Variants in BAZ1B observed in about 807,000 individuals in gnomAD.
The protein encoded by BAZ1B is bromodomain adjacent to zinc finger domain 1B.
In BAZ1B, 22 loss-of-function variants were observed where a neutral mutation model predicts 153.8. That is an observed-to-expected ratio of 0.14 (90% CI 0.10 to 0.20). The LOEUF (loss-of-function observed/expected upper bound fraction) is 0.20. BAZ1B is among the 10% of genes least tolerant of loss of function. The probability of loss-of-function intolerance (pLI) is 1.00; values close to 1 mark genes in which losing one functional copy is unlikely to be tolerated. For missense variants in BAZ1B, 1,325 were observed against 1,799.3 expected (o/e 0.74, Z 4.77); for synonymous variants, 676 against 633.4 (o/e 1.07, Z -1.01).
chr7:73,448,708 A>G (rs2116231989), intron 15 of BAZ1B, among the ~76,000 whole-genome samples: 1 of 152,366 alleles, frequency 6.6e-6, no homozygotes, highest in African/African-American at 2.4e-5. Flanking sequence ...GAAAGGCACA[A>G]GAGGCAAGGA....
intron 3 of BAZ1B, among the ~76,000 whole-genome samples, chr7:73,500,689 G>A (rs928491250): frequency 6.6e-6 from 1 of 151,708 alleles, no homozygotes; most frequent in Non-Finnish European, 1.5e-5. Flanking sequence ...TCAGGAGTTT[G>A]AGACCAGCCT....
chr7:73,500,392 T>C (rs1327397955), intron 3 of BAZ1B, among the ~76,000 whole-genome samples: 1 of 150,658 alleles, frequency 6.6e-6, no homozygotes, highest in Non-Finnish European at 1.5e-5. Flanking sequence ...ACAAAAAAAT[T>C]TGCCAGGCGA....
At chr7:73,447,520 G>T in intron 15 of BAZ1B, 141 bp from the exon 16 acceptor site, 1 of 1,070,622 alleles carries the variant, frequency 9.3e-7, no homozygotes, top group Non-Finnish European at 1.3e-6. Flanking sequence ...GAGGGAACCT[G>T]AATGTAAGCC....
intron 9 of BAZ1B, among the ~76,000 whole-genome samples, chr7:73,467,070 T>C (rs1554571274): frequency 6.6e-6 from 1 of 152,110 alleles, no homozygotes; most frequent in African/African-American, 2.4e-5. Context: ...GTGGCTGGGA[T>C]TACAGGCACA....
At chr7:73,453,977 T>TATTC (rs1460755427) in intron 13 of BAZ1B, among the ~76,000 whole-genome samples, 19 of 151,972 alleles carry the variant, frequency 1.3e-4, no homozygotes, top group African/African-American at 3.6e-4. Context: ...GAGACCCTGT[T>TATTC]ATTCATTCAT....
At chr7:73,512,711 A>G (rs912899507) in intron 1 of BAZ1B, among the ~76,000 whole-genome samples, 1 of 152,202 alleles carries the variant, frequency 6.6e-6, no homozygotes, top group Non-Finnish European at 1.5e-5. Flanking sequence ...ATCAACTGAC[A>G]TAAGTAGAAA....
chr7:73,501,213 G>A (rs1453905576), intron 3 of BAZ1B, among the ~76,000 whole-genome samples: 1 of 152,086 alleles, frequency 6.6e-6, no homozygotes, highest in African/African-American at 2.4e-5. Flanking sequence ...CCAAGATCAC[G>A]CCATTGCACT....
chr7:73,456,227 G>A (rs192017456), intron 13 of BAZ1B, among the ~76,000 whole-genome samples: 9 of 152,162 alleles, frequency 5.9e-5, no homozygotes, highest in Admixed American at 5.9e-4. Flanking sequence ...AGAAAGAAAC[G>A]TTCATGACAC....
chr7:73,493,459 C>CA (rs1789736571), intron 4 of BAZ1B, among the ~76,000 whole-genome samples: 1 of 151,210 alleles, frequency 6.6e-6, no homozygotes, highest in Admixed American at 6.6e-5. Context: ...GACTCCGTCT[C>CA]AAAAAAAGAA....
At chr7:73,442,700 C>G in intron 18 of BAZ1B, 25 bp downstream of exon 18, 1 of 1,609,724 alleles carries the variant, frequency 6.2e-7, no homozygotes, top group Middle Eastern at 1.7e-4. Flanking sequence ...CTCCTCTCCC[C>G]TGCACCTGAG....
intron 1 of BAZ1B, among the ~76,000 whole-genome samples, chr7:73,520,946 G>A (rs1180848641): frequency 2.6e-5 from 4 of 151,100 alleles, no homozygotes; most frequent in Admixed American, 6.6e-5. Context: ...GATTCTTCTG[G>A]CACCCATTAA....
intron 1 of BAZ1B, among the ~76,000 whole-genome samples, chr7:73,511,591 C>G (rs1790581856): frequency 6.6e-6 from 1 of 151,908 alleles, no homozygotes; most frequent in African/African-American, 2.4e-5. Context: ...CCTCAATTCA[C>G]CAAAGTTTCA....
rs782807615 is a variant in BAZ1B at position 73,463,081 on chromosome 7, G to A, written c.3090C>T (p.His1030=). 12 of 1,613,302 alleles carry A rather than the reference G, an allele frequency of 7.4e-6. No individual in the cohort carries two copies. Among genetic ancestry groups the A allele is most frequent in the Non-Finnish European group, 1.0e-5 (12 of 1,179,744 alleles). Reference sequence around the variant, plus strand: ...TTGGCTTCCGTGCTAGATGAATAGAGTGAATAATGTCCTGGTACCTAGAAG... The same window carrying A: ...TTGGCTTCCGTGCTAGATGAATAGAATGAATAATGTCCTGGTACCTAGAAG... ...RLEKRYQDII[H]SIHLARKPNL... is the part of the protein sequence containing the mutation. The change falls in exon 12 of 20, where the codon CAC becomes CAT. Residue 1030 remains histidine, a synonymous_variant. Coordinates refer to ENST00000339594, the MANE Select transcript of BAZ1B (RefSeq NM_032408.4).
intron 12 of BAZ1B, among the ~76,000 whole-genome samples, chr7:73,460,957 CTT>C (rs1220928711): frequency 1.4e-5 from 2 of 145,254 alleles, no homozygotes; most frequent in East Asian, 4.0e-4. Flanking sequence ...CTATCTCTCT[CTT>C]TTTTTTTTTG....
Position 73,459,679 on chromosome 7 carries a change from C to A in BAZ1B, c.3289G>T (p.Val1097Leu). Residue 1097 changes from valine to leucine, a missense_variant, in exon 13 of 20, where the codon GTG becomes TTG. Coordinates refer to ENST00000339594, the MANE Select transcript of BAZ1B (RefSeq NM_032408.4). ...LEKLKDFGEC[V>L]IALQASVIKK... ...ATGACACTGGCCTGAAGGGCAATCA[C>A]ACACTCACCAAAATCCTTCAATTTC... The A allele has an allele frequency of 6.2e-7, 1 of 1,612,328 alleles. No individual in the cohort carries two copies. The highest frequency in any genetic ancestry group is 8.5e-7 in the Non-Finnish European group (1 of 1,179,538).
chr7:73,480,483 CA>C (rs549625813), intron 6 of BAZ1B, among the ~76,000 whole-genome samples: 174 of 152,226 alleles, frequency 1.1e-3, no homozygotes, highest in Middle Eastern at 3.4e-3. Context: ...AGCTAAAATG[CA>C]AACTAATTGA....
chr7:73,472,822 T>C (rs1177034944), intron 7 of BAZ1B, among the ~76,000 whole-genome samples: 1 of 151,422 alleles, frequency 6.6e-6, no homozygotes, highest in Non-Finnish European at 1.5e-5. Flanking sequence ...AGTGGTGTGA[T>C]CTCGGCTCTC....
chr7:73,512,191 G>A (rs1216069578), intron 1 of BAZ1B, among the ~76,000 whole-genome samples: 1 of 151,964 alleles, frequency 6.6e-6, no homozygotes, highest in African/African-American at 2.4e-5. Flanking sequence ...ACTTCTTAGG[G>A]TTTACAAGCT....
Position 73,442,286 on chromosome 7 carries a change from G to A in BAZ1B, c.4362C>T (p.Arg1454=). 2 of 1,614,084 alleles carry A rather than the reference G, an allele frequency of 1.2e-6. No individual in the cohort carries two copies. The highest frequency in any genetic ancestry group is 1.1e-5 in the South Asian group (1 of 91,078). ...LPGHPYVRRK[R]KKFPDRLAED... ...CAGCAAGCCTATCAGGAAACTTCTT[G>A]CGCTTCCTGCGGACATATGGGTGGC... Residue 1454 remains arginine, a synonymous_variant, in exon 19 of 20, where the codon CGC becomes CGT. Transcript: ENST00000339594.
Sources: allele counts gnomAD v4.1 joint callset (sites outside exome capture counted in the v4.1 genomes callset), GRCh38; gene constraint gnomAD v4.1.1; transcripts MANE v1.5; gene names NCBI Gene and HGNC (gene_info 2026-07-23, HGNC 2026-07-21).